Variants in EPM2A observed in about 807,000 individuals in gnomAD.
The protein encoded by EPM2A is EPM2A glucan phosphatase, laforin.
EPM2A carries 21 observed loss-of-function variants against 26.5 expected under a neutral mutation model. The observed-to-expected ratio is 0.79, with a 90% CI of 0.56 to 1.14. The LOEUF (loss-of-function observed/expected upper bound fraction) is 1.14. EPM2A is among the 50% of genes most tolerant of loss of function. The pLI, the probability that EPM2A is intolerant of heterozygous loss-of-function variation, is 0.00. For missense variants in EPM2A, 458 were observed against 440.8 expected, an observed-to-expected ratio of 1.04 and a Z score of -0.35; for synonymous variants, 217 against 177.6, an observed-to-expected ratio of 1.22 and a Z score of -1.76.
At chr6:145,561,151 AC>A in intron 2 of EPM2A, among the ~76,000 whole-genome samples, 1 of 129,212 alleles carries the variant, frequency 7.7e-6, no homozygotes, top group Non-Finnish European at 1.7e-5. Context: ...TATCTTTTAT[AC>A]CTTTTTTTTT....
intron 3 of EPM2A, among the ~76,000 whole-genome samples, chr6:145,632,623 T>C (rs1384724551): frequency 1.3e-5 from 2 of 152,132 alleles, no homozygotes; most frequent in East Asian, 1.9e-4. Context: ...TTATAACAGG[T>C]CTGTGACAAC....
intron 2 of EPM2A, among the ~76,000 whole-genome samples, chr6:145,551,655 C>T (rs1242586191): frequency 6.6e-6 from 1 of 151,990 alleles, no homozygotes; most frequent in African/African-American, 2.4e-5. Context: ...GGTTGTGTCA[C>T]TCAGAAGAGA....
intron 2 of EPM2A, among the ~76,000 whole-genome samples, chr6:145,651,308 G>A (rs1166501537): frequency 6.6e-6 from 1 of 152,126 alleles, no homozygotes; most frequent in Non-Finnish European, 1.5e-5. Flanking sequence ...TTAAAATGAT[G>A]GTGATTAAGT....
At chr6:145,410,014 T>G (rs1778622558) in intron 4 of EPM2A, among the ~76,000 whole-genome samples, 1 of 152,172 alleles carries the variant, frequency 6.6e-6, no homozygotes, top group Admixed American at 6.6e-5. Flanking sequence ...TCTGCCACAC[T>G]CTATTGGCCC....
intron 4 of EPM2A, among the ~76,000 whole-genome samples, chr6:145,455,697 A>G (rs1779255069): frequency 6.6e-6 from 1 of 152,232 alleles, no homozygotes; most frequent in Admixed American, 6.5e-5. Context: ...ACTTTATTTT[A>G]CAGTACTTGT....
intron 4 of EPM2A, among the ~76,000 whole-genome samples, chr6:145,388,800 G>A (rs1217859850): frequency 6.6e-6 from 1 of 152,120 alleles, no homozygotes; most frequent in Non-Finnish European, 1.5e-5. Context: ...TGCTGAGAAT[G>A]ATGGTTTCCA....
At chr6:145,717,275 A>G (rs1775683854) in intron 1 of EPM2A, among the ~76,000 whole-genome samples, 1 of 152,240 alleles carries the variant, frequency 6.6e-6, no homozygotes, top group African/African-American at 2.4e-5. Context: ...CACCATGATC[A>G]AGTGGCCTTC....
chr6:145,730,409 C>G (rs1227199659), intron 1 of EPM2A, among the ~76,000 whole-genome samples: 1 of 152,192 alleles, frequency 6.6e-6, no homozygotes, highest in African/African-American at 2.4e-5. Context: ...ATGTGATGAA[C>G]AGAGCTGCAG....
intron 4 of EPM2A, among the ~76,000 whole-genome samples, chr6:145,460,851 A>G (rs1779321222): frequency 6.6e-6 from 1 of 152,036 alleles, no homozygotes; most frequent in Non-Finnish European, 1.5e-5. Flanking sequence ...TATAGCTTTA[A>G]TTTTCAAGAT....
intron 4 of EPM2A, among the ~76,000 whole-genome samples, chr6:145,446,167 A>G (rs1057241725): frequency 2.0e-5 from 3 of 152,212 alleles, no homozygotes; most frequent in African/African-American, 7.2e-5. Flanking sequence ...CCTAGCCAAC[A>G]TGTAACTGCA....
chr6:145,580,422 A>G (rs1781096917), intron 2 of EPM2A, among the ~76,000 whole-genome samples: 1 of 152,156 alleles, frequency 6.6e-6, no homozygotes, highest in Non-Finnish European at 1.5e-5. Flanking sequence ...TTCACATTTA[A>G]TTGACTGCTA....
chr6:145,635,245 C>T lies in EPM2A; in HGVS notation c.718G>A (p.Gly240Ser). Residue 240 changes from glycine to serine, a missense_variant and splice_region_variant, in exon 3 of 4, where the codon GGC (glycine) becomes AGC (serine). Physicochemically the swap from Gly to Ser is moderately conservative, Grantham distance 56. Coordinates refer to ENST00000367519, the MANE Select transcript of EPM2A (RefSeq NM_005670.4). ...GAGGCAGAACAGTTCTGATCCTTAC[C>T]TTCGGTGCTCATATCTGGTGTTGGC... ...WMPTPDMSTE[G>S]RVQMLPQAVC... 8 of 1,614,124 alleles carry T rather than the reference C, an allele frequency of 5.0e-6. No homozygotes were observed. Among genetic ancestry groups the T allele is most frequent in the Non-Finnish European group, 6.8e-6 (8 of 1,180,002 alleles).
At chr6:145,687,047 A>G (rs571680498) in intron 1 of EPM2A, 3 of 152,354 alleles carry the variant, frequency 2.0e-5, no homozygotes, top group South Asian at 2.1e-4. Flanking sequence ...TTATTTGCCT[A>G]TTTCACGATT....
At chr6:145,678,765 G>C (rs1780265531) in intron 2 of EPM2A, among the ~76,000 whole-genome samples, 1 of 152,214 alleles carries the variant, frequency 6.6e-6, no homozygotes, top group Admixed American at 6.5e-5. Flanking sequence ...TGCTGGAGGG[G>C]ATGTGGGGAA....
chr6:145,682,303 T>C (rs1306177384), intron 2 of EPM2A: 1 of 152,124 alleles, frequency 6.6e-6, no homozygotes, highest in African/African-American at 2.4e-5. Context: ...CATGATTCAA[T>C]TACCTCCCAC....
intron 1 of EPM2A, among the ~76,000 whole-genome samples, chr6:145,726,623 T>C (rs1461182902): frequency 6.6e-6 from 1 of 152,166 alleles, no homozygotes; most frequent in Admixed American, 6.5e-5. Context: ...GAAGGCACTT[T>C]ACTTTGATGG....
intron 4 of EPM2A, among the ~76,000 whole-genome samples, chr6:145,465,024 C>G (rs1437266814): frequency 6.6e-6 from 1 of 151,966 alleles, no homozygotes; most frequent in African/African-American, 2.4e-5. Flanking sequence ...GTTGGCCTGC[C>G]TTGCTAGATT....
chr6:145,607,682 G>A (rs778213768), intron 2 of EPM2A, among the ~76,000 whole-genome samples: 1 of 152,144 alleles, frequency 6.6e-6, no homozygotes, highest in African/African-American at 2.4e-5. Flanking sequence ...AAAGAATGCA[G>A]AAGAGGTAAA....
Position 145,678,705 on chromosome 6 carries a change from A to G in EPM2A, c.476+7417T>C, listed in dbSNP as rs369295122. ...CAAATCAAAACCACAATGAGATACC[A>G]TCTCACGCCAGTTAGAATAGTGATC... On this transcript the variant is annotated intron_variant, in intron 2 of 3. Transcript: ENST00000367519. Among the ~76,000 whole-genome samples, 7 of 152,348 alleles carry G rather than the reference A, an allele frequency of 4.6e-5. No homozygotes were observed. In the South Asian group the frequency reaches 1.0e-3, roughly 23 times the overall value.
Sources: gnomAD v4.1 joint callset for allele counts (sites outside exome capture counted in the v4.1 genomes callset) on GRCh38, gnomAD v4.1.1 for gene constraint, MANE v1.5 for transcripts, NCBI Gene and HGNC (gene_info 2026-07-23, HGNC 2026-07-21) for gene names.